Variants in GTF2IRD1 observed in about 807,000 individuals in gnomAD.
The protein encoded by GTF2IRD1 is general transcription factor II-I repeat domain-containing protein 1.
GTF2IRD1 carries 26 observed loss-of-function variants against 113.2 expected under a neutral mutation model. The ratio of observed to expected loss-of-function variants is 0.23; its 90% CI spans 0.17 to 0.32. The LOEUF (loss-of-function observed/expected upper bound fraction) is 0.32, where lower values mean the gene tolerates loss of function less well. Ranked by LOEUF, GTF2IRD1 falls within the 10% of genes least tolerant of loss-of-function variation. The pLI, the probability that GTF2IRD1 is intolerant of heterozygous loss-of-function variation, is 1.00. For synonymous variants in GTF2IRD1, 484 were observed against 529.1 expected, an observed-to-expected ratio of 0.91 and a Z score of 1.17; for missense variants, 864 against 1,280.8, an observed-to-expected ratio of 0.67 and a Z score of 4.97.
chr7:74,518,591 C>T (rs1460563256), intron 5 of GTF2IRD1, among the ~76,000 whole-genome samples: 1 of 152,100 alleles, frequency 6.6e-6, no homozygotes, highest in Non-Finnish European at 1.5e-5. Context: ...CAAAATAGCA[C>T]CAAAGTGGTC....
At chr7:74,502,378 C>T (rs1185019444) in intron 1 of GTF2IRD1, among the ~76,000 whole-genome samples, 1 of 152,238 alleles carries the variant, frequency 6.6e-6, no homozygotes, top group Non-Finnish European at 1.5e-5. Context: ...GTGGGAACAA[C>T]CTGTAACACC....
intron 24 of GTF2IRD1, among the ~76,000 whole-genome samples, chr7:74,593,732 C>CAA (rs1554370932): frequency 8.6e-5 from 7 of 81,602 alleles, no homozygotes; most frequent in African/African-American, 1.9e-4. Flanking sequence ...GACTCCATCT[C>CAA]AAAAAAAAAA....
In GTF2IRD1 at chr7:74,537,397, A is replaced by G. The variant is rs1798359683; in HGVS notation, c.1410-739A>G. On this transcript the variant is annotated intron_variant, in intron 11 of 26. Transcript: ENST00000424337. ...CACTGCACTCCAGCCTGGGCAACAG[A>G]ACAAGACTCCGTCTCAAAAAAAAAA... Among the ~76,000 whole-genome samples, 8 of 152,160 alleles carry G rather than the reference A, an allele frequency of 5.3e-5. No individual in the cohort carries two copies. The South Asian group carries it at 1.7e-3, about 32-fold the overall frequency.
intron 22 of GTF2IRD1, among the ~76,000 whole-genome samples, chr7:74,560,127 C>G (rs1160088735): frequency 6.6e-6 from 1 of 152,212 alleles, no homozygotes; most frequent in African/African-American, 2.4e-5. Flanking sequence ...GCTCCTGCCC[C>G]AGGTAGATGG....
intron 3 of GTF2IRD1, 145 bp from the exon 4 acceptor site, chr7:74,515,296 C>A (rs1554344296): frequency 1.3e-6 from 2 of 1,504,118 alleles, no homozygotes; most frequent in Non-Finnish European, 8.9e-7. Context: ...CTTGCTCACT[C>A]ATTAATTCTT....
At chr7:74,503,209 A>G (rs1388215176) in intron 1 of GTF2IRD1, among the ~76,000 whole-genome samples, 2 of 150,950 alleles carry the variant, frequency 1.3e-5, no homozygotes, top group Middle Eastern at 3.5e-3. Flanking sequence ...CTGCCCAGGG[A>G]GCGGTCACCT....
At chr7:74,578,964 G>T (rs1277703616) in intron 22 of GTF2IRD1, among the ~76,000 whole-genome samples, 1 of 151,096 alleles carries the variant, frequency 6.6e-6, no homozygotes, top group African/African-American at 2.4e-5. Flanking sequence ...TCCAGCCTGG[G>T]CAACAGAGCG....
intron 22 of GTF2IRD1, among the ~76,000 whole-genome samples, chr7:74,589,201 CTT>C (rs1554368699): frequency 1.2e-4 from 19 of 152,048 alleles, no homozygotes; most frequent in Non-Finnish European, 1.5e-5. Context: ...TGTACAAAAA[CTT>C]TAAAAAATTA....
intron 1 of GTF2IRD1, among the ~76,000 whole-genome samples, chr7:74,477,128 C>T (rs1584479066): frequency 6.6e-6 from 1 of 152,080 alleles, no homozygotes; most frequent in East Asian, 1.9e-4. Flanking sequence ...CTTTGGGAGG[C>T]TGAGGAGGGA....
intron 1 of GTF2IRD1, among the ~76,000 whole-genome samples, chr7:74,492,191 G>C (rs1366529200): frequency 7.3e-6 from 1 of 136,952 alleles, no homozygotes; most frequent in Non-Finnish European, 1.6e-5. Flanking sequence ...TTTTTTTTGA[G>C]ACAGAGTCTC....
At chr7:74,508,046 C>A in intron 1 of GTF2IRD1, 29 bp from the exon 2 acceptor site, 1 of 1,590,554 alleles carries the variant, frequency 6.3e-7, no homozygotes. Flanking sequence ...GCCTTGTGCC[C>A]ACCACCACTG....
intron 25 of GTF2IRD1, among the ~76,000 whole-genome samples, chr7:74,599,210 GTT>G (rs1554373221): frequency 1.3e-5 from 2 of 152,168 alleles, no homozygotes; most frequent in Middle Eastern, 3.2e-3. Context: ...GGAGGTGGAG[GTT>G]GCAGTGAGCC....
intron 1 of GTF2IRD1, among the ~76,000 whole-genome samples, chr7:74,473,547 C>T (rs553738550): frequency 6.6e-6 from 1 of 152,242 alleles, no homozygotes; most frequent in Admixed American, 6.5e-5. Context: ...ACTTTGGCCT[C>T]CCAAAATGTT....
chr7:74,517,430 T>C (rs1797009872), intron 4 of GTF2IRD1, among the ~76,000 whole-genome samples: 4 of 95,084 alleles, frequency 4.2e-5, no homozygotes, highest in African/African-American at 7.9e-5. Context: ...CCTACACCTT[T>C]TTTTTTTTTT....
At position 74,574,826 on chromosome 7, in the gene GTF2IRD1, C is replaced by T. The variant is rs781812500; in HGVS notation, c.2321-15025C>T. Reference sequence around the variant, plus strand: ...AAACCCGGCTGAGTGCAGTGGTTCACGTCTGTAATCCCAGCACTTCGGGAG... The same window carrying T: ...AAACCCGGCTGAGTGCAGTGGTTCATGTCTGTAATCCCAGCACTTCGGGAG... On this transcript the variant is annotated intron_variant, in intron 22 of 26. Coordinates refer to ENST00000424337, the MANE Select transcript of GTF2IRD1 (RefSeq NM_005685.4). 1.3e-4 allele frequency among the ~76,000 whole-genome samples: 19 copies of T among 150,980 alleles called. No individual in the cohort carries two copies. In the East Asian group the frequency reaches 2.1e-3, roughly 17 times the overall value.
rs1408797406 is a variant in GTF2IRD1 at position 74,518,218 on chromosome 7, G to A, written c.501G>A (p.Gln167=). Residue 167 remains glutamine (Q), a synonymous_variant, in exon 5 of 27, where the codon CAG becomes CAA. Transcript: ENST00000424337. The part of the protein sequence containing the change: ...LLREPGLLAV[Q]GLPEGLAFRR... ...GGGAGCCAGGGCTGCTGGCCGTGCA[G>A]GGGCTGCCCGAAGGCCTGGCCTTCC... 2 of 1,611,478 alleles carry A rather than the reference G, an allele frequency of 1.2e-6. No individual in the cohort carries two copies. Among genetic ancestry groups the A allele is most frequent in the African/African-American group, 1.3e-5 (1 of 74,918 alleles).
chr7:74,578,885 G>T (rs1554365303), intron 22 of GTF2IRD1, among the ~76,000 whole-genome samples: 1 of 151,856 alleles, frequency 6.6e-6, no homozygotes, highest in African/African-American at 2.4e-5. Flanking sequence ...TATTCAAGAG[G>T]CTGAGGCGGG....
intron 8 of GTF2IRD1, 72 bp downstream of exon 8, chr7:74,524,226 C>T (rs1045808970): frequency 1.6e-5 from 13 of 817,568 alleles, no homozygotes; most frequent in Non-Finnish European, 2.3e-5. Context: ...GGCAATCACT[C>T]GTGTTCCCCA....
intron 22 of GTF2IRD1, among the ~76,000 whole-genome samples, chr7:74,584,720 G>A (rs587699193): frequency 1.0e-3 from 159 of 152,292 alleles, no homozygotes; most frequent in Non-Finnish European, 1.8e-3. Flanking sequence ...AGGCTATTGC[G>A]TGACTCAGTT....
Sources: gnomAD v4.1 joint callset for allele counts (sites outside exome capture counted in the v4.1 genomes callset) on GRCh38, gnomAD v4.1.1 for gene constraint, MANE v1.5 for transcripts, NCBI Gene and HGNC (gene_info 2026-07-23, HGNC 2026-07-21) for gene names.